TRNT1: variants seen among roughly 807,000 people sequenced by gnomAD.
The protein encoded by TRNT1 is CCA tRNA nucleotidyltransferase 1, mitochondrial.
In TRNT1, 44 loss-of-function variants were observed where a neutral mutation model predicts 45.6. That is an observed-to-expected ratio of 0.97 (90% confidence interval 0.76 to 1.24). TRNT1 has a LOEUF of 1.24. Among genes scored for constraint, TRNT1 ranks in the 50% most tolerant of loss-of-function variants. TRNT1 has a pLI of 0.00. For missense variants in TRNT1, 633 were observed against 504.4 expected (o/e 1.25, Z -2.44); for synonymous variants, 201 against 171.4 (o/e 1.17, Z -1.35).
At chr3:3,142,260 G>A (rs567914600) in intron 4 of TRNT1, among the ~76,000 whole-genome samples, 12 of 152,278 alleles carry the variant, frequency 7.9e-5, no homozygotes, top group African/African-American at 2.9e-4. Context: ...AATAAAAGTT[G>A]TTCCTATTGG....
At position 3,146,547 on chromosome 3, in the gene TRNT1, G is replaced by A; in HGVS notation, c.726G>A (p.Leu242=). 1.2e-6 allele frequency: 2 copies of A among 1,613,606 alleles called. No individual in the cohort carries two copies. The highest frequency in any genetic ancestry group is 1.7e-6 in the Non-Finnish European group (2 of 1,179,844). ...GISGERIWVE[L]KKILVGNHVN... ...CAGGAGAAAGGATTTGGGTGGAACT[G>A]AAAAAAATTCTTGTTGGTAACCATG... is the stretch of plus-strand genomic sequence containing the variant. Residue 242 remains leucine, a synonymous_variant, in exon 6 of 8, where the codon CTG becomes CTA. Coordinates refer to ENST00000251607, the MANE Select transcript of TRNT1 (RefSeq NM_182916.3).
In TRNT1 at chr3:3,146,559, T is replaced by G; in HGVS notation, c.738T>G (p.Leu246=). Reference sequence around the variant, plus strand: ...TTTGGGTGGAACTGAAAAAAATTCTTGTTGGTAACCATGTAAATCATTTGA... The same window carrying G: ...TTTGGGTGGAACTGAAAAAAATTCTGGTTGGTAACCATGTAAATCATTTGA... ...ERIWVELKKI[L]VGNHVNHLIH... is the part of the protein sequence containing the mutation. Residue 246 remains leucine, a synonymous_variant, in exon 6 of 8, where the codon CTT becomes CTG. Transcript: ENST00000251607. 6.2e-7 allele frequency: 1 copy of G among 1,614,042 alleles called. No individual in the cohort carries two copies. Among genetic ancestry groups the G allele is most frequent in the Non-Finnish European group, 8.5e-7 (1 of 1,179,950 alleles).
downstream of TRNT1, chr3:3,153,358 C>A: frequency 2.1e-6 from 2 of 949,282 alleles, no homozygotes; most frequent in South Asian, 2.7e-5. Context: ...TTATGGAAAA[C>A]AGAAATACAG....
At chr3:3,128,874 A>G (rs1237236781) in intron 1 of TRNT1, 140 bp from the exon 2 acceptor site, 1 of 658,298 alleles carries the variant, frequency 1.5e-6, no homozygotes, top group African/African-American at 1.8e-5. Flanking sequence ...TAATCCCTCA[A>G]ACTGACACCG....
downstream of TRNT1, chr3:3,150,817 T>C: frequency 1.3e-6 from 2 of 1,567,728 alleles, no homozygotes; most frequent in Non-Finnish European, 1.7e-6. Context: ...AAAGCAGATC[T>C]TAGAATATAA....
chr3:3,152,141 TTTAA>T (rs1337311418), downstream of TRNT1, among the ~76,000 whole-genome samples: 4 of 123,670 alleles, frequency 3.2e-5, no homozygotes, highest in Admixed American at 3.6e-4. Context: ...ATGAAGGACA[TTTAA>T]ATAAATTTTT....
chr3:3,136,502 G>A (rs1705332758), intron 2 of TRNT1, among the ~76,000 whole-genome samples: 1 of 152,076 alleles, frequency 6.6e-6, no homozygotes, highest in Admixed American at 6.5e-5. Context: ...AATCATAAGT[G>A]GTATAGACTA....
Position 3,148,507 on chromosome 3 carries a change from A to T in TRNT1, c.*353A>T, listed in dbSNP as rs561645433. ...TAACTGTCTTGAAGAAAAAACGTTT[A>T]TTGTTTGTTTGCAATTGAAATAACA... On this transcript the variant is annotated 3_prime_UTR_variant, in exon 8 of 8. Transcript: ENST00000251607. The T allele has an allele frequency of 1.2e-3, 193 of 160,586 alleles. No homozygotes were observed. Among genetic ancestry groups the T allele is most frequent in the African/African-American group, 4.5e-3 (189 of 41,790 alleles). 9.9% of individuals were successfully genotyped at this position (160,586 alleles called of 1,614,324 possible).
At chr3:3,152,830 T>A, downstream of TRNT1, 1 of 538,810 alleles carries the variant, frequency 1.9e-6, no homozygotes, top group Non-Finnish European at 3.3e-6. Flanking sequence ...ATAGTACTTG[T>A]TTTTAAAACC....
At chr3:3,140,414 C>A in intron 3 of TRNT1, 96 bp from the exon 4 acceptor site, 1 of 1,224,886 alleles carries the variant, frequency 8.2e-7, no homozygotes, top group Non-Finnish European at 1.2e-6. Context: ...GCTTATAGTA[C>A]CATCCCTTTA....
downstream of TRNT1, among the ~76,000 whole-genome samples, chr3:3,152,295 G>A (rs61638978): frequency 3.2e-3 from 490 of 151,882 alleles, 2 homozygotes; most frequent in African/African-American, 0.011. Context: ...TGGGAGTACA[G>A]ACCCCTGCCC....
At chr3:3,150,232 T>A (rs764009623), downstream of TRNT1, 6 of 152,528 alleles carry the variant, frequency 3.9e-5, no homozygotes, top group Admixed American at 3.9e-4. Context: ...CAATACTACT[T>A]TTTACTAACA....
intron 2 of TRNT1, chr3:3,129,943 G>A: frequency 6.4e-7 from 1 of 1,550,584 alleles, no homozygotes; most frequent in Non-Finnish European, 8.7e-7. Flanking sequence ...CATGAGAACT[G>A]AAGGAAGAAG....
At chr3:3,136,216 C>T (rs997956154) in intron 2 of TRNT1, among the ~76,000 whole-genome samples, 5 of 152,094 alleles carry the variant, frequency 3.3e-5, no homozygotes, top group African/African-American at 7.2e-5. Flanking sequence ...ATGGGCTTGT[C>T]TGATATTGAT....
downstream of TRNT1, chr3:3,149,166 T>TAATA (rs920032190): frequency 1.3e-5 from 2 of 152,126 alleles, no homozygotes; most frequent in African/African-American, 4.8e-5. Context: ...TTGTAGAGTG[T>TAATA]AATATTTCTA....
Position 3,144,564 on chromosome 3 carries a change from C to T in TRNT1, c.482-20C>T, listed in dbSNP as rs773153767. On this transcript the variant is annotated intron_variant, in intron 4 of 7. Coordinates refer to ENST00000251607, the MANE Select transcript of TRNT1 (RefSeq NM_182916.3). ...TTATTTGCCAATAGTGATTTTTCTC[C>T]CTCCTTTTCTAATGAATAGGTTTTG... 92 of 1,561,206 alleles carry T rather than the reference C, an allele frequency of 5.9e-5. 1 individual carries two copies. The East Asian group carries it at 1.9e-3, about 33-fold the overall frequency.
intron 2 of TRNT1, chr3:3,136,620 A>G (rs977954448): frequency 2.3e-6 from 1 of 434,662 alleles, no homozygotes; most frequent in Non-Finnish European, 4.5e-6. Flanking sequence ...AAATGGGGAA[A>G]AGAAAGCAGA....
chr3:3,134,033 T>C (rs559802046), intron 2 of TRNT1, among the ~76,000 whole-genome samples: 1 of 152,338 alleles, frequency 6.6e-6, no homozygotes, highest in African/African-American at 2.4e-5. Flanking sequence ...AATTGCTTAC[T>C]ATCAGAGGTG....
chr3:3,129,032 C>A lies in TRNT1; in HGVS notation c.-9C>A, dbSNP rs1408596641. ...CTTGTAGATGTGTAGTTGGTGACTGCCTCTCCAGATGCTGAGGTGCCTGTA... is the reference window on the plus strand; with the variant it reads ...CTTGTAGATGTGTAGTTGGTGACTGACTCTCCAGATGCTGAGGTGCCTGTA... On this transcript the variant is annotated 5_prime_UTR_variant, in exon 2 of 8. Transcript: ENST00000251607. 1 of 1,598,736 alleles carries A rather than the reference C, an allele frequency of 6.3e-7. No individual in the cohort carries two copies. The highest frequency in any genetic ancestry group is 1.7e-5 in the Admixed American group (1 of 58,114).
Sources: gnomAD v4.1 joint callset for allele counts (sites outside exome capture counted in the v4.1 genomes callset) on GRCh38, gnomAD v4.1.1 for gene constraint, MANE v1.5 for transcripts, NCBI Gene and HGNC (gene_info 2026-07-23, HGNC 2026-07-21) for gene names.